The following LEPR variants were observed in gnomAD, a reference collection of about 807,000 sequenced individuals.
The protein encoded by LEPR is leptin receptor.
In LEPR, 56 loss-of-function variants were observed where a neutral mutation model predicts 114.7. That is an observed-to-expected ratio of 0.49 (90% confidence interval 0.39 to 0.61). The LOEUF (loss-of-function observed/expected upper bound fraction) is 0.61. Ranked by LOEUF, LEPR falls within the 20% of genes least tolerant of loss-of-function variation. The pLI is 0.00. For synonymous variants in LEPR, 443 were observed against 461.4 expected, an observed-to-expected ratio of 0.96 and a Z score of 0.51; for missense variants, 1,202 against 1,352.9, an observed-to-expected ratio of 0.89 and a Z score of 1.75.
At chr1:65,478,284 G>A (rs1021046807) in intron 2 of LEPR, among the ~76,000 whole-genome samples, 3 of 152,146 alleles carry the variant, frequency 2.0e-5, no homozygotes, top group African/African-American at 4.8e-5. Flanking sequence ...TAATGGGGCC[G>A]TCCATCCTAA....
chr1:65,425,321 T>C lies in LEPR; in HGVS notation c.-78T>C. 1 of 1,611,692 alleles carries C rather than the reference T, an allele frequency of 6.2e-7. No homozygotes were observed. The highest frequency in any genetic ancestry group is 8.5e-7 in the Non-Finnish European group (1 of 1,179,394). Reference sequence around the variant, plus strand: ...TTCACAGCTCTCGTGGCATTATCCTTCAGTGGGGCTATTGGACTGACTTTT... The same window carrying C: ...TTCACAGCTCTCGTGGCATTATCCTCCAGTGGGGCTATTGGACTGACTTTT... On this transcript the variant is annotated 5_prime_UTR_variant, in exon 2 of 20. Transcript: ENST00000349533.
chr1:65,429,335 A>C (rs1486502368), intron 2 of LEPR, among the ~76,000 whole-genome samples: 2 of 152,184 alleles, frequency 1.3e-5, no homozygotes, highest in African/African-American at 4.8e-5. Flanking sequence ...GGGACAGAAA[A>C]AAGGCTGGTG....
intron 15 of LEPR, among the ~76,000 whole-genome samples, chr1:65,616,538 T>G (rs1462584725): frequency 6.6e-6 from 1 of 152,116 alleles, no homozygotes; most frequent in Non-Finnish European, 1.5e-5. Flanking sequence ...TCTCTCCCTA[T>G]GTACATATAC....
intron 2 of LEPR, among the ~76,000 whole-genome samples, chr1:65,478,397 A>T (rs1290974838): frequency 1.3e-5 from 2 of 152,198 alleles, no homozygotes; most frequent in African/African-American, 4.8e-5. Flanking sequence ...CTGGTTAATT[A>T]TGGTAGGTAG....
intron 2 of LEPR, among the ~76,000 whole-genome samples, chr1:65,462,687 C>T (rs968770088): frequency 1.3e-5 from 2 of 152,198 alleles, no homozygotes; most frequent in African/African-American, 4.8e-5. Context: ...TAATGATCAC[C>T]ATTCTAACTG....
intron 2 of LEPR, among the ~76,000 whole-genome samples, chr1:65,505,677 T>G (rs1049051923): frequency 6.6e-6 from 1 of 152,102 alleles, no homozygotes; most frequent in African/African-American, 2.4e-5. Context: ...GAAACACAGT[T>G]GCCTTTTCTC....
chr1:65,497,305 C>A (rs190183815), intron 2 of LEPR, among the ~76,000 whole-genome samples: 121 of 152,124 alleles, frequency 8.0e-4, no homozygotes, highest in African/African-American at 2.8e-3. Context: ...AAAGCTTATT[C>A]TTTATAATAT....
At chr1:65,435,595 C>T (rs1469036525) in intron 2 of LEPR, 1 of 648,204 alleles carries the variant, frequency 1.5e-6, no homozygotes. Flanking sequence ...TCTCGATCTC[C>T]TGACCTCATG....
intron 2 of LEPR, among the ~76,000 whole-genome samples, chr1:65,452,669 G>A (rs1329406620): frequency 1.3e-5 from 2 of 151,196 alleles, no homozygotes; most frequent in Non-Finnish European, 3.0e-5. Context: ...TGTGCTGCTG[G>A]ATTCGGTTTG....
intron 2 of LEPR, among the ~76,000 whole-genome samples, chr1:65,439,828 CAAAA>C (rs34603511): frequency 1.1e-4 from 6 of 56,580 alleles, no homozygotes; most frequent in South Asian, 6.3e-4. Flanking sequence ...AACTCCATCT[CAAAA>C]AAAAAAAAAA....
chr1:65,481,366 C>CA (rs1261156366), intron 2 of LEPR, among the ~76,000 whole-genome samples: 1 of 152,172 alleles, frequency 6.6e-6, no homozygotes, highest in African/African-American at 2.4e-5. Context: ...AAAAAACCCA[C>CA]AACTTCCCAG....
intron 2 of LEPR, chr1:65,434,266 A>T: frequency 1.0e-6 from 1 of 982,910 alleles, no homozygotes; most frequent in Non-Finnish European, 1.2e-6. Context: ...TATATAATAC[A>T]AAAGTTTGAT....
intron 5 of LEPR, among the ~76,000 whole-genome samples, chr1:65,589,960 G>T (rs1055614814): frequency 6.6e-6 from 1 of 151,794 alleles, no homozygotes; most frequent in Non-Finnish European, 1.5e-5. Context: ...GTGTAAAATA[G>T]CCTGTTGAGA....
chr1:65,525,580 G>A (rs1649889872), intron 2 of LEPR: 1 of 967,480 alleles, frequency 1.0e-6, no homozygotes, highest in Non-Finnish European at 1.2e-6. Context: ...GGCGCACGCG[G>A]GCGGCCACCC....
At chr1:65,434,800 C>T (rs1176483615) in intron 2 of LEPR, 6 of 985,474 alleles carry the variant, frequency 6.1e-6, no homozygotes, top group Non-Finnish European at 7.2e-6. Context: ...CATCCTCCCT[C>T]CTGAGGTTCT....
chr1:65,432,826 AAGTT>A, intron 2 of LEPR: 1 of 622,018 alleles, frequency 1.6e-6, no homozygotes, highest in Non-Finnish European at 2.0e-6. Flanking sequence ...TCTCATAAAA[AAGTT>A]AAATATTTGA....
intron 2 of LEPR, among the ~76,000 whole-genome samples, chr1:65,555,881 C>G (rs977522314): frequency 5.3e-5 from 8 of 152,122 alleles, no homozygotes; most frequent in Non-Finnish European, 1.0e-4. Flanking sequence ...GGCATGTTTC[C>G]ATGTCATGTG....
chr1:65,534,755 G>A (rs11208663), intron 2 of LEPR, among the ~76,000 whole-genome samples: 5,244 of 152,116 alleles, frequency 0.034, 294 homozygotes, highest in African/African-American at 0.12. Context: ...ACATATAAAT[G>A]TTTTATCTAT....
chr1:65,431,764 A>G, intron 2 of LEPR: 1 of 1,596,222 alleles, frequency 6.3e-7, no homozygotes, highest in Non-Finnish European at 8.5e-7. Context: ...TACAATATGA[A>G]GGAAGTAAGG....
Sources: allele counts gnomAD v4.1 joint callset (sites outside exome capture counted in the v4.1 genomes callset), GRCh38; gene constraint gnomAD v4.1.1; transcripts MANE v1.5; gene names NCBI Gene and HGNC (gene_info 2026-07-23, HGNC 2026-07-21).